CAST: variants seen among roughly 807,000 people sequenced by gnomAD.
CAST encodes the protein MIR583 host.
Under a neutral mutation model 119.6 loss-of-function variants are expected in CAST, and 76 were observed. The observed-to-expected ratio is 0.64, with a 90% CI of 0.53 to 0.77. The LOEUF is 0.77. CAST is among the 30% of genes least tolerant of loss of function. The pLI, the probability that CAST is intolerant of heterozygous loss-of-function variation, is 0.00. For missense variants in CAST, 953 were observed against 946.5 expected (o/e 1.01, Z -0.09); for synonymous variants, 319 against 331.6 (o/e 0.96, Z 0.41).
the CAST span, among the ~76,000 whole-genome samples, chr5:96,454,402 T>C: frequency 6.6e-6 from 1 of 152,232 alleles, no homozygotes; most frequent in East Asian, 1.9e-4. Flanking sequence ...TTTTATGTTT[T>C]TATTAACACA....
the CAST span, among the ~76,000 whole-genome samples, chr5:96,184,329 T>C: frequency 6.6e-6 from 1 of 152,210 alleles, no homozygotes; most frequent in Non-Finnish European, 1.5e-5. Flanking sequence ...TAAAATAAAC[T>C]ACATACAACT....
At chr5:96,276,257 A>G in the CAST span, among the ~76,000 whole-genome samples, 1 of 152,238 alleles carries the variant, frequency 6.6e-6, no homozygotes, top group African/African-American at 2.4e-5. Flanking sequence ...CAAAATAGCC[A>G]TATAAAAACC....
chr5:96,292,177 C>G, the CAST span, among the ~76,000 whole-genome samples: 39 of 152,018 alleles, frequency 2.6e-4, no homozygotes, highest in African/African-American at 9.4e-4. Context: ...CTGATTTTGT[C>G]CTAAAATTAT....
At chr5:96,336,348 A>G in the CAST span, among the ~76,000 whole-genome samples, 1 of 152,258 alleles carries the variant, frequency 6.6e-6, no homozygotes, top group East Asian at 1.9e-4. Flanking sequence ...CATATTAAAC[A>G]TTAGAGCCTT....
At chr5:96,699,436 C>T (rs559787734) in intron 3 of CAST, among the ~76,000 whole-genome samples, 1 of 152,324 alleles carries the variant, frequency 6.6e-6, no homozygotes, top group East Asian at 1.9e-4. Flanking sequence ...GAGAGTACAG[C>T]AGAAGAAATC....
intron 1 of CAST, chr5:96,662,997 G>T: frequency 1.5e-6 from 1 of 648,308 alleles, no homozygotes; most frequent in South Asian, 1.7e-5. Context: ...CTGCCCACCT[G>T]GCAGCCGCCT....
intron 2 of CAST, among the ~76,000 whole-genome samples, chr5:96,678,425 A>G (rs1002799224): frequency 1.1e-4 from 16 of 152,152 alleles, no homozygotes; most frequent in African/African-American, 3.4e-4. Context: ...TTCTCTTTTT[A>G]TTATTCTGCT....
At chr5:96,367,617 C>T in the CAST span, among the ~76,000 whole-genome samples, 3 of 152,116 alleles carry the variant, frequency 2.0e-5, no homozygotes, top group East Asian at 5.8e-4. Context: ...GTGGGACCCT[C>T]CGTGCCAGGC....
At chr5:96,084,505 G>A in the CAST span, among the ~76,000 whole-genome samples, 11 of 152,222 alleles carry the variant, frequency 7.2e-5, no homozygotes, top group Non-Finnish European at 1.5e-4. Flanking sequence ...AAATCAGATC[G>A]TATTTTAATC....
the CAST span, among the ~76,000 whole-genome samples, chr5:96,493,159 G>T: frequency 6.6e-6 from 1 of 152,294 alleles, no homozygotes; most frequent in South Asian, 2.1e-4. Context: ...CATGGAAAAA[G>T]TGGTTACCAT....
chr5:96,699,251 A>T (rs1369305194), intron 3 of CAST, among the ~76,000 whole-genome samples: 1 of 152,206 alleles, frequency 6.6e-6, no homozygotes, highest in Non-Finnish European at 1.5e-5. Flanking sequence ...TATTTCACCA[A>T]CCTGACTGTT....
chr5:96,211,339 G>A, the CAST span, among the ~76,000 whole-genome samples: 1 of 151,898 alleles, frequency 6.6e-6, no homozygotes, highest in Non-Finnish European at 1.5e-5. Flanking sequence ...TTTTCTGAGA[G>A]CTTTTGGTAT....
chr5:96,024,391 C>A, the CAST span, among the ~76,000 whole-genome samples: 2 of 152,152 alleles, frequency 1.3e-5, no homozygotes, highest in Non-Finnish European at 2.9e-5. Flanking sequence ...AATAATCTTT[C>A]TCTTCCTGGT....
chr5:96,231,718 T>G, the CAST span, among the ~76,000 whole-genome samples: 2 of 152,148 alleles, frequency 1.3e-5, no homozygotes, highest in East Asian at 3.8e-4. Flanking sequence ...TGGGTAATAC[T>G]TTATTGTTTA....
intron 1 of CAST, among the ~76,000 whole-genome samples, chr5:96,665,392 T>G (rs910298528): frequency 1.1e-4 from 16 of 152,206 alleles, no homozygotes; most frequent in Admixed American, 7.9e-4. Flanking sequence ...TTATACTAAT[T>G]CTTCAAAATC....
the CAST span, among the ~76,000 whole-genome samples, chr5:96,301,921 G>A: frequency 1.2e-4 from 19 of 152,232 alleles, no homozygotes; most frequent in African/African-American, 2.9e-4. Flanking sequence ...TCATAGCTCC[G>A]CTAGGCATTG....
At chr5:96,138,957 A>T in the CAST span, among the ~76,000 whole-genome samples, 1 of 151,940 alleles carries the variant, frequency 6.6e-6, no homozygotes, top group East Asian at 1.9e-4. Flanking sequence ...CTTCTGGTAC[A>T]ATGCTTAAAG....
At chr5:96,429,632 G>A in the CAST span, among the ~76,000 whole-genome samples, 1 of 152,022 alleles carries the variant, frequency 6.6e-6, no homozygotes, top group Non-Finnish European at 1.5e-5. Context: ...AAAGGCCCCA[G>A]TATATGTTGT....
At chr5:96,090,080 T>C in the CAST span, among the ~76,000 whole-genome samples, 2 of 152,288 alleles carry the variant, frequency 1.3e-5, no homozygotes, top group Admixed American at 6.5e-5. Flanking sequence ...CAAGAGTTAT[T>C]GTGAAGGTTA....
Sources: gnomAD v4.1 joint callset for allele counts (sites outside exome capture counted in the v4.1 genomes callset) on GRCh38, gnomAD v4.1.1 for gene constraint, MANE v1.5 for transcripts, NCBI Gene and HGNC (gene_info 2026-07-23, HGNC 2026-07-21) for gene names.